Variants in NCKAP5 observed in about 807,000 individuals in gnomAD.
The protein encoded by NCKAP5 is NCK associated protein 5, also known as nck-associated protein 5.
In NCKAP5, 92 loss-of-function variants were observed where a neutral mutation model predicts 167.0. The observed-to-expected ratio is 0.55, with a 90% confidence interval of 0.47 to 0.66. NCKAP5 has a LOEUF of 0.66. Ranked by LOEUF, NCKAP5 falls within the 30% of genes least tolerant of loss-of-function variation. The pLI, the probability that NCKAP5 is intolerant of heterozygous loss-of-function variation, is 0.00. For missense variants in NCKAP5, 2,378 were observed against 2,315.0 expected, an observed-to-expected ratio of 1.03 and a Z score of -0.56; for synonymous variants, 891 against 877.4, an observed-to-expected ratio of 1.02 and a Z score of -0.27.
chr2:133,577,346 G>C, the NCKAP5 span, among the ~76,000 whole-genome samples: 1 of 152,140 alleles, frequency 6.6e-6, no homozygotes, highest in Non-Finnish European at 1.5e-5. Context: ...AAAAGTACCT[G>C]GTCTGGCCTG....
intron 8 of NCKAP5, among the ~76,000 whole-genome samples, chr2:132,960,572 T>C (rs2076481908): frequency 6.6e-6 from 1 of 152,104 alleles, no homozygotes; most frequent in Non-Finnish European, 1.5e-5. Context: ...TCATAAGAGG[T>C]TGGTGCGTGG....
Position 132,933,176 on chromosome 2 carries a change from C to T in NCKAP5, c.579+30544G>A, listed in dbSNP as rs143695279. On this transcript the variant is annotated intron_variant, in intron 8 of 19. Transcript: ENST00000409261. The stretch of plus-strand genomic sequence containing the variant: ...TTCTGACCTCATGATCTGCCCGCTG[C>T]GGCCTCCCAAAGTGCTGGGATTATC... Among the ~76,000 whole-genome samples, 127 of 152,200 alleles carry T rather than the reference C, an allele frequency of 8.3e-4. 1 individual carries two copies. Among genetic ancestry groups the T allele is most frequent in the Non-Finnish European group, 7.2e-4 (49 of 67,994 alleles).
At chr2:132,939,652 G>A (rs958036773) in intron 8 of NCKAP5, among the ~76,000 whole-genome samples, 6 of 151,990 alleles carry the variant, frequency 3.9e-5, no homozygotes, top group African/African-American at 1.5e-4. Flanking sequence ...CTTTAGTGGC[G>A]ATTTCTGAGA....
intron 6 of NCKAP5, among the ~76,000 whole-genome samples, chr2:133,111,551 T>C (rs777671446): frequency 2.0e-5 from 3 of 152,190 alleles, no homozygotes; most frequent in Admixed American, 6.5e-5. Flanking sequence ...CTGATGGTCA[T>C]GTAGAATGTG....
In NCKAP5 at chr2:133,446,577, C is replaced by T. The variant is rs1274135471; in HGVS notation, c.69+70881G>A. On this transcript the variant is annotated intron_variant, in intron 3 of 19. Transcript: ENST00000409261. ...GTGAGGGAGGGAGAGGGAGACCAGG[C>T]CGCCTGGTCCCAGAAGTCGTGTGTA... Among the ~76,000 whole-genome samples the T allele has an allele frequency of 5.3e-5, 8 of 152,172 alleles. No homozygotes were observed. The East Asian group carries it at 1.5e-3, about 29-fold the overall frequency.
the NCKAP5 span, among the ~76,000 whole-genome samples, chr2:133,577,658 C>A: frequency 8.6e-5 from 13 of 152,032 alleles, no homozygotes; most frequent in African/African-American, 2.7e-4. Flanking sequence ...CTAATGCTAT[C>A]CCTCCCAACT....
chr2:133,279,944 T>C (rs1354483374), intron 4 of NCKAP5, among the ~76,000 whole-genome samples: 1 of 152,232 alleles, frequency 6.6e-6, no homozygotes, highest in Non-Finnish European at 1.5e-5. Context: ...GAGAAGTGTA[T>C]GATCCTTAAG....
At chr2:133,200,507 G>T (rs2085642802) in intron 5 of NCKAP5, among the ~76,000 whole-genome samples, 1 of 152,022 alleles carries the variant, frequency 6.6e-6, no homozygotes, top group East Asian at 1.9e-4. Context: ...GTAAGGAAGG[G>T]CTAAAACTAT....
At position 132,672,919 on chromosome 2, in the gene NCKAP5, A is replaced by G; in HGVS notation, c.*370T>C. ...TGAATTTGACAAGGAAGGCTCTGGT[A>G]CTGCAATAGTTTATTGTTATCTCTA... On this transcript the variant is annotated 3_prime_UTR_variant, in exon 20 of 20. Coordinates refer to ENST00000409261, the MANE Select transcript of NCKAP5 (RefSeq NM_207363.3). 1.1e-6 allele frequency: 1 copy of G among 951,396 alleles called. No homozygotes were observed. Among genetic ancestry groups the G allele is most frequent in the Non-Finnish European group, 1.3e-6 (1 of 799,042 alleles). The allele number at this position is 951,396 out of a possible 1,614,324, so 58.9% of individuals were successfully genotyped here.
chr2:133,199,284 C>A (rs1049561660), intron 5 of NCKAP5, among the ~76,000 whole-genome samples: 26 of 151,798 alleles, frequency 1.7e-4, no homozygotes, highest in African/African-American at 6.0e-4. Flanking sequence ...CCTAAAGACG[C>A]CATTATTTAA....
intron 16 of NCKAP5, among the ~76,000 whole-genome samples, chr2:132,760,542 G>A (rs1004323401): frequency 1.3e-5 from 2 of 152,176 alleles, no homozygotes; most frequent in African/African-American, 4.8e-5. Context: ...TCTCAGTTCT[G>A]CAGTCTTTGG....
At chr2:132,761,619 T>A (rs1681016848) in intron 16 of NCKAP5, among the ~76,000 whole-genome samples, 1 of 152,274 alleles carries the variant, frequency 6.6e-6, no homozygotes, top group South Asian at 2.1e-4. Context: ...AAATTCTAAT[T>A]TGGCATATTG....
At chr2:133,191,572 G>T (rs1559247396) in intron 5 of NCKAP5, among the ~76,000 whole-genome samples, 2 of 152,148 alleles carry the variant, frequency 1.3e-5, no homozygotes, top group African/African-American at 4.8e-5. Context: ...TATACACCAT[G>T]GAATACTATG....
intron 3 of NCKAP5, among the ~76,000 whole-genome samples, chr2:133,483,086 C>T (rs571406745): frequency 6.6e-6 from 1 of 152,154 alleles, no homozygotes; most frequent in Admixed American, 6.6e-5. Flanking sequence ...ATCTATCTAT[C>T]TATCTAGCTA....
At position 133,526,165 on chromosome 2, in the gene NCKAP5, GAGGAAGGAAGGAAGGA is replaced by G. The variant is rs1203618783; in HGVS notation, c.-61-8594_-61-8579del. Among the ~76,000 whole-genome samples the G allele has an allele frequency of 8.9e-3, 622 of 69,934 alleles. 10 individuals are homozygous for G. The highest frequency in any genetic ancestry group is 0.028 in the African/African-American group (477 of 17,018). The allele number at this position is 69,934 out of a possible 152,430, so 45.9% of individuals were successfully genotyped here. ...GAAGGGAGGAACAGAGAAAGGGAATGAGGAAGGAAGGAAGGAAGGAAGGAAGGAAGGAAGGAAGGAA... is the reference window on the plus strand; with the variant it reads ...GAAGGGAGGAACAGAGAAAGGGAATGAGGAAGGAAGGAAGGAAGGAAGGAA... On this transcript the variant is annotated intron_variant, in intron 2 of 19. Transcript: ENST00000409261.
intron 5 of NCKAP5, among the ~76,000 whole-genome samples, chr2:133,193,292 T>C (rs2150088631): frequency 6.6e-6 from 1 of 151,666 alleles, no homozygotes; most frequent in African/African-American, 2.4e-5. Context: ...AAGCACAACG[T>C]AAGGGATCCA....
the NCKAP5 span, among the ~76,000 whole-genome samples, chr2:133,663,874 T>C: frequency 6.6e-6 from 1 of 152,328 alleles, no homozygotes; most frequent in African/African-American, 2.4e-5. Context: ...TCACAAAAGT[T>C]CTTATTGGCA....
At chr2:132,819,787 T>G (rs1489538467) in intron 11 of NCKAP5, among the ~76,000 whole-genome samples, 2 of 152,206 alleles carry the variant, frequency 1.3e-5, no homozygotes, top group Non-Finnish European at 2.9e-5. Context: ...CCACCCTACT[T>G]CAATTTGGAT....
At chr2:132,858,024 C>G (rs1307667940) in intron 11 of NCKAP5, among the ~76,000 whole-genome samples, 2 of 152,130 alleles carry the variant, frequency 1.3e-5, no homozygotes, top group Admixed American at 1.3e-4. Flanking sequence ...ACAATGTGTT[C>G]ATAACTCTTC....
Sources: gnomAD v4.1 joint callset for allele counts (sites outside exome capture counted in the v4.1 genomes callset) on GRCh38, gnomAD v4.1.1 for gene constraint, MANE v1.5 for transcripts, NCBI Gene and HGNC (gene_info 2026-07-23, HGNC 2026-07-21) for gene names.